The following PBX4 variants were observed in gnomAD, a reference collection of about 807,000 sequenced individuals.
The protein encoded by PBX4 is pre-B-cell leukemia transcription factor 4.
In PBX4, 26 loss-of-function variants were observed where a neutral mutation model predicts 35.1. The observed-to-expected ratio is 0.74, with a 90% confidence interval of 0.54 to 1.03. The LOEUF (loss-of-function observed/expected upper bound fraction) is 1.03, where lower values mean the gene tolerates loss of function less well. PBX4 is among the 50% of genes least tolerant of loss of function. The pLI is 0.00. For missense variants in PBX4, 448 were observed against 504.3 expected, an observed-to-expected ratio of 0.89 and a Z score of 1.07; for synonymous variants, 199 against 204.2, an observed-to-expected ratio of 0.97 and a Z score of 0.22.
chr19:19,589,547 A>G (rs1480494397), intron 2 of PBX4, among the ~76,000 whole-genome samples: 2 of 152,100 alleles, frequency 1.3e-5, no homozygotes, highest in Admixed American at 6.6e-5. Context: ...AGGCGGGTGG[A>G]TTACCTGAGG....
At chr19:19,589,202 G>A (rs1013079961) in intron 2 of PBX4, among the ~76,000 whole-genome samples, 1 of 152,072 alleles carries the variant, frequency 6.6e-6, no homozygotes, top group African/African-American at 2.4e-5. Flanking sequence ...GTCGAGGCCG[G>A]CGGATCACGA....
intron 2 of PBX4, among the ~76,000 whole-genome samples, chr19:19,588,658 C>T (rs1223028144): frequency 1.3e-5 from 2 of 152,168 alleles, no homozygotes; most frequent in Admixed American, 1.3e-4. Context: ...GCTTCAGGAG[C>T]TGGGCTACAG....
intron 1 of PBX4, among the ~76,000 whole-genome samples, chr19:19,601,421 C>T (rs1298714160): frequency 6.6e-6 from 1 of 152,122 alleles, no homozygotes; most frequent in Non-Finnish European, 1.5e-5. Context: ...GTCATGGGGA[C>T]AACTCTGGCT....
intron 2 of PBX4, among the ~76,000 whole-genome samples, chr19:19,589,554 G>A (rs1231577547): frequency 2.0e-5 from 3 of 152,122 alleles, no homozygotes; most frequent in African/African-American, 4.8e-5. Context: ...TGGATTACCT[G>A]AGGTCAGGAG....
At chr19:19,572,807 TCA>T (rs2061392993) in intron 2 of PBX4, among the ~76,000 whole-genome samples, 1 of 129,720 alleles carries the variant, frequency 7.7e-6, no homozygotes, top group Non-Finnish European at 1.5e-5. Flanking sequence ...TGAGCCGAGA[TCA>T]CGCCATTGCA....
At chr19:19,587,444 C>T (rs1196640298) in intron 2 of PBX4, among the ~76,000 whole-genome samples, 2 of 151,102 alleles carry the variant, frequency 1.3e-5, no homozygotes, top group East Asian at 2.0e-4. Context: ...AAAAATTAGC[C>T]GGGCGTGGTG....
intron 1 of PBX4, among the ~76,000 whole-genome samples, chr19:19,611,602 C>T (rs2061662877): frequency 6.6e-6 from 1 of 150,562 alleles, no homozygotes; most frequent in African/African-American, 2.4e-5. Context: ...TCACTTGAAC[C>T]CAGGGGGCAG....
intron 2 of PBX4, 118 bp downstream of exon 2, chr19:19,599,174 G>GT (rs2061580256): frequency 2.6e-6 from 2 of 782,256 alleles, no homozygotes; most frequent in Admixed American, 4.2e-5. Flanking sequence ...TCTCCATGTT[G>GT]GTCAGGCTGG....
chr19:19,564,649 T>C lies in PBX4; in HGVS notation c.925+284A>G, dbSNP rs1336299080. 6 of 365,614 alleles carry C rather than the reference T, an allele frequency of 1.6e-5. No homozygotes were observed. In the East Asian group the frequency reaches 3.2e-4, roughly 19 times the overall value. 22.6% of individuals were successfully genotyped at this position (365,614 alleles called of 1,614,324 possible). On this transcript the variant is annotated intron_variant, in intron 6 of 7. Transcript: ENST00000251203. Reference sequence around the variant, plus strand: ...CTCCTGACCTCAGGTGATCCACTCATCTTGGCCTCCCAAAATGCTGGGATT... The same window carrying C: ...CTCCTGACCTCAGGTGATCCACTCACCTTGGCCTCCCAAAATGCTGGGATT...
chr19:19,604,600 A>C (rs1044231477), intron 1 of PBX4, among the ~76,000 whole-genome samples: 11 of 310 alleles, frequency 0.035, no homozygotes, highest in Admixed American at 0.25. Flanking sequence ...GTCTTTCTTT[A>C]TTTTTAATTT....
At chr19:19,608,677 A>G (rs775963907) in intron 1 of PBX4, 5 of 152,466 alleles carry the variant, frequency 3.3e-5, no homozygotes, top group Non-Finnish European at 7.3e-5. Flanking sequence ...CCTGCCTTGC[A>G]TGCATGCTTG....
intron 5 of PBX4, among the ~76,000 whole-genome samples, 155 bp from the exon 6 acceptor site, chr19:19,565,244 G>A (rs750422528): frequency 1.3e-5 from 2 of 152,170 alleles, no homozygotes; most frequent in African/African-American, 2.4e-5. Flanking sequence ...AGAAGGTGGC[G>A]CCCTCTGAAC....
chr19:19,594,156 A>T (rs1240614721), intron 2 of PBX4, among the ~76,000 whole-genome samples: 1 of 151,902 alleles, frequency 6.6e-6, no homozygotes, highest in Non-Finnish European at 1.5e-5. Context: ...CTGTAATCCC[A>T]GCACTTTGGG....
intron 2 of PBX4, among the ~76,000 whole-genome samples, chr19:19,579,025 GA>G (rs1309979866): frequency 6.6e-6 from 1 of 152,154 alleles, no homozygotes; most frequent in African/African-American, 2.4e-5. Context: ...CTAGGCCCCA[GA>G]ACTGTGAGAA....
At chr19:19,584,959 G>T (rs1195633130) in intron 2 of PBX4, among the ~76,000 whole-genome samples, 2 of 152,076 alleles carry the variant, frequency 1.3e-5, no homozygotes, top group East Asian at 3.9e-4. Context: ...GGCATCATGG[G>T]CACTGAGTTT....
chr19:19,618,579 G>C lies in PBX4; in HGVS notation c.51C>G (p.Leu17=), dbSNP rs777270741. 22 of 1,330,266 alleles carry C rather than the reference G, an allele frequency of 1.7e-5. No individual in the cohort carries two copies. Among genetic ancestry groups the C allele is most frequent in the East Asian group, 3.0e-5 (1 of 33,610 alleles). 82.4% of individuals were successfully genotyped at this position (1,330,266 alleles called of 1,614,324 possible). A position where few individuals can be genotyped will look rare whatever the true frequency, so the allele number is the denominator to read the frequency against. ...TCTGCTGCAGGACGTCGCTCGTGTC[G>C]AGGCGCCGCGGGGCGGGGGGCGATG... ...PAPSPPAPRR[L]DTSDVLQQIM... Residue 17 remains leucine, a synonymous_variant, in exon 1 of 8, where the codon CTC becomes CTG. Coordinates refer to ENST00000251203, the MANE Select transcript of PBX4 (RefSeq NM_025245.3).
chr19:19,600,589 C>T (rs1294726720), intron 1 of PBX4, among the ~76,000 whole-genome samples: 3 of 151,630 alleles, frequency 2.0e-5, no homozygotes, highest in Non-Finnish European at 2.9e-5. Flanking sequence ...GCGGCCGAGG[C>T]GGATGGATCG....
chr19:19,614,925 C>T (rs1355945875), intron 1 of PBX4, among the ~76,000 whole-genome samples: 2 of 151,064 alleles, frequency 1.3e-5, no homozygotes, highest in African/African-American at 2.4e-5. Context: ...TTTGGGAGGC[C>T]GAGGTGGGTG....
intron 6 of PBX4, 83 bp downstream of exon 6, chr19:19,564,847 TGTG>T: frequency 6.6e-7 from 1 of 1,510,586 alleles, no homozygotes; most frequent in Admixed American, 1.8e-5. Flanking sequence ...GGAAGGGAGA[TGTG>T]GTCCCACTGT....
Sources: allele counts gnomAD v4.1 joint callset (sites outside exome capture counted in the v4.1 genomes callset), GRCh38; gene constraint gnomAD v4.1.1; transcripts MANE v1.5; gene names NCBI Gene and HGNC (gene_info 2026-07-23, HGNC 2026-07-21).